Variants in ANK3 observed in about 807,000 individuals in gnomAD.
ANK3 encodes ankyrin 3.
In ANK3, 57 loss-of-function variants were observed where a neutral mutation model predicts 370.9. The observed-to-expected ratio is 0.15, with a 90% CI of 0.12 to 0.19. The LOEUF (loss-of-function observed/expected upper bound fraction) is 0.19, where lower values mean the gene tolerates loss of function less well. ANK3 is among the 10% of genes least tolerant of loss of function. The pLI is 1.00. For synonymous variants in ANK3, 1,929 were observed against 1,946.3 expected (o/e 0.99, Z 0.23); for missense variants, 4,439 against 5,302.1 (o/e 0.84, Z 5.06).
chr10:60,311,868 T>C (rs764122821), intron 1 of ANK3, among the ~76,000 whole-genome samples: 1 of 152,200 alleles, frequency 6.6e-6, no homozygotes, highest in Non-Finnish European at 1.5e-5. Flanking sequence ...ATCACTACCA[T>C]ATCACCCTTA....
At chr10:60,531,558 TAA>T (rs1031465391) in intron 2 of ANK3, among the ~76,000 whole-genome samples, 1 of 152,234 alleles carries the variant, frequency 6.6e-6, no homozygotes, top group East Asian at 1.9e-4. Flanking sequence ...TTCACATAAT[TAA>T]AAGTTATTAA....
At position 60,128,172 on chromosome 10, in the gene ANK3, A is replaced by G. The variant is rs539495186; in HGVS notation, c.2841+6099T>C. Among the ~76,000 whole-genome samples the G allele has an allele frequency of 3.9e-5, 6 of 152,304 alleles. No individual in the cohort carries two copies. The East Asian group carries it at 1.2e-3, about 29-fold the overall frequency. On this transcript the variant is annotated intron_variant, in intron 25 of 43. Coordinates refer to ENST00000280772, the MANE Select transcript of ANK3 (RefSeq NM_020987.5). Reference sequence around the variant, plus strand: ...TGGTGGTTCTGTGGCCCAACCAAGAATACTAGCAAGTATAAAATCCTGGAG... The same window carrying G: ...TGGTGGTTCTGTGGCCCAACCAAGAGTACTAGCAAGTATAAAATCCTGGAG...
Position 60,028,596 on chromosome 10 carries a change from C to A in ANK3, c.*1250G>T, listed in dbSNP as rs1297975154. The stretch of plus-strand genomic sequence containing the variant: ...TTTAAAACACAGCAGCCTTATTAAC[C>A]TAATATGACACTGCTAGAATGGTTA... On this transcript the variant is annotated 3_prime_UTR_variant, in exon 44 of 44. Coordinates refer to ENST00000280772, the MANE Select transcript of ANK3 (RefSeq NM_020987.5). 3 of 152,568 alleles carry A rather than the reference C, an allele frequency of 2.0e-5. No homozygotes were observed. Among genetic ancestry groups the A allele is most frequent in the South Asian group, 2.1e-4 (1 of 4,822 alleles). 9.5% of individuals were successfully genotyped at this position (152,568 alleles called of 1,614,324 possible).
intron 36 of ANK3, among the ~76,000 whole-genome samples, chr10:60,079,019 A>C (rs1021000468): frequency 5.9e-5 from 9 of 152,284 alleles, no homozygotes; most frequent in African/African-American, 2.2e-4. Context: ...CCTCCGACCT[A>C]AAGCGGCTGG....
intron 1 of ANK3, among the ~76,000 whole-genome samples, chr10:60,282,644 G>A (rs925564977): frequency 2.0e-5 from 3 of 152,078 alleles, no homozygotes; most frequent in Non-Finnish European, 4.4e-5. Flanking sequence ...TCTGGTGGAC[G>A]CCTTCATTAT....
rs552277427 is a variant in ANK3 at position 60,365,402 on chromosome 10, T to G, written c.114+24023A>C. ...ATTTTCCTTGAGCAGTTTTCATGTT[T>G]GTTGTAAAATAAATCTCTAAAACAA... On this transcript the variant is annotated intron_variant, in intron 1 of 43. Coordinates refer to ENST00000280772, the MANE Select transcript of ANK3 (RefSeq NM_020987.5). Among the ~76,000 whole-genome samples, 30 of 152,312 alleles carry G rather than the reference T, an allele frequency of 2.0e-4. No individual in the cohort carries two copies. The South Asian group carries it at 6.2e-3, about 32-fold the overall frequency.
At chr10:60,258,904 A>G (rs1242866936) in intron 7 of ANK3, among the ~76,000 whole-genome samples, 1 of 152,178 alleles carries the variant, frequency 6.6e-6, no homozygotes, top group East Asian at 1.9e-4. Context: ...CACCTCATCA[A>G]TACCTCTCTC....
chr10:60,590,032 C>T (rs1268756896), intron 2 of ANK3, among the ~76,000 whole-genome samples: 1 of 152,198 alleles, frequency 6.6e-6, no homozygotes, highest in African/African-American at 2.4e-5. Flanking sequence ...ATAAAAAGCA[C>T]ATAATGAAAA....
chr10:60,396,890 C>T (rs755893213), intron 2 of ANK3, among the ~76,000 whole-genome samples: 10 of 152,264 alleles, frequency 6.6e-5, no homozygotes, highest in Admixed American at 1.3e-4. Flanking sequence ...CCAACATACA[C>T]GCTGTGATGC....
intron 2 of ANK3, among the ~76,000 whole-genome samples, chr10:60,476,236 A>T (rs1200937045): frequency 6.6e-6 from 1 of 152,178 alleles, no homozygotes; most frequent in Non-Finnish European, 1.5e-5. Context: ...CTCCAAAATC[A>T]TGTTCATAAT....
chr10:60,099,380 G>T (rs1210537977), intron 28 of ANK3, among the ~76,000 whole-genome samples: 1 of 152,204 alleles, frequency 6.6e-6, no homozygotes, highest in African/African-American at 2.4e-5. Flanking sequence ...GTCAGAGTTG[G>T]TCTCTGCCCT....
chr10:60,339,763 A>G (rs920573429), intron 1 of ANK3, among the ~76,000 whole-genome samples: 4 of 152,188 alleles, frequency 2.6e-5, no homozygotes, highest in African/African-American at 9.6e-5. Context: ...ACATGAGTAG[A>G]AGTGGAGGTA....
chr10:60,723,675 T>A (rs1055107388), intron 1 of ANK3, among the ~76,000 whole-genome samples: 7 of 152,214 alleles, frequency 4.6e-5, no homozygotes, highest in African/African-American at 1.7e-4. Flanking sequence ...TGAGTTGAAC[T>A]TTTAACCATT....
At chr10:60,207,535 G>A (rs931832446) in intron 10 of ANK3, among the ~76,000 whole-genome samples, 3 of 152,170 alleles carry the variant, frequency 2.0e-5, no homozygotes, top group Admixed American at 2.0e-4. Flanking sequence ...TTAAAGTGAA[G>A]CCTATAAACT....
intron 5 of ANK3, among the ~76,000 whole-genome samples, chr10:60,265,385 C>T (rs1463675010): frequency 6.6e-6 from 1 of 152,094 alleles, no homozygotes; most frequent in Non-Finnish European, 1.5e-5. Context: ...CATTTTGACT[C>T]TCCCCTTTGT....
Position 60,073,805 on chromosome 10 carries a change from T to A in ANK3, c.7076A>T (p.Tyr2359Phe). 6.2e-7 allele frequency: 1 copy of A among 1,613,592 alleles called. No homozygotes were observed. Among genetic ancestry groups the A allele is most frequent in the Non-Finnish European group, 8.5e-7 (1 of 1,179,992 alleles). The change falls in exon 37 of 44, where the codon TAT becomes TTT. Residue 2359 changes from tyrosine to phenylalanine, a missense_variant. Physicochemically the swap from Tyr to Phe is conservative, Grantham distance 22. Transcript: ENST00000280772. ...ETKKHPEKEM[Y>F]VYQKDLSRGD... ...CCGGGATAAGTCTTTCTGATATACATACATTTCTTTTTCTGGATGCTTTTT... is the reference window on the plus strand; with the variant it reads ...CCGGGATAAGTCTTTCTGATATACAAACATTTCTTTTTCTGGATGCTTTTT...
At chr10:60,662,803 A>G (rs1325777583) in intron 1 of ANK3, among the ~76,000 whole-genome samples, 2 of 152,196 alleles carry the variant, frequency 1.3e-5, no homozygotes, top group African/African-American at 4.8e-5. Flanking sequence ...TGCTCAAAAG[A>G]TATCTGTTGA....
intron 2 of ANK3, among the ~76,000 whole-genome samples, chr10:60,475,133 G>T (rs951423493): frequency 2.6e-5 from 4 of 152,122 alleles, no homozygotes; most frequent in African/African-American, 7.2e-5. Context: ...TCATTTGAAG[G>T]ATTTGGAAGG....
chr10:60,372,576 A>G (rs2060244089), intron 1 of ANK3, among the ~76,000 whole-genome samples: 1 of 152,218 alleles, frequency 6.6e-6, no homozygotes, highest in Non-Finnish European at 1.5e-5. Context: ...AGAACTGTTC[A>G]GCAATGGGGG....
Sources: allele counts gnomAD v4.1 joint callset (sites outside exome capture counted in the v4.1 genomes callset), GRCh38; gene constraint gnomAD v4.1.1; transcripts MANE v1.5; gene names NCBI Gene and HGNC (gene_info 2026-07-23, HGNC 2026-07-21).